Variants in MIGA1 observed in about 807,000 individuals in gnomAD.
The protein encoded by MIGA1 is mitoguardin 1, also known as family with sequence similarity 73, member A.
A neutral mutation model predicts 82.0 loss-of-function variants in MIGA1; 58 were observed. The observed-to-expected ratio is 0.71, with a 90% CI of 0.57 to 0.88. MIGA1 has a LOEUF of 0.88. Among genes scored for constraint, MIGA1 ranks in the 40% least tolerant of loss-of-function variants. The pLI is 0.00. For missense variants in MIGA1, 751 were observed against 749.1 expected, an observed-to-expected ratio of 1.00 and a Z score of -0.03; for synonymous variants, 249 against 253.6, an observed-to-expected ratio of 0.98 and a Z score of 0.17.
At chr1:77,861,346 T>C (rs944915976) in intron 12 of MIGA1, 24 bp downstream of exon 12, 20 of 1,424,300 alleles carry the variant, frequency 1.4e-5, no homozygotes, top group Non-Finnish European at 1.8e-5. Context: ...TTTTGTGATA[T>C]TTATTTTTCT....
Position 77,843,327 on chromosome 1 carries a change from A to T in MIGA1, c.916A>T (p.Met306Leu), listed in dbSNP as rs747478071. ...TTAAGATAAAGATACAGATATCACC[A>T]TGAAGGGTAATGTGGAAGACTTTGG... Residue 306 changes from methionine (M) to leucine (L), a missense_variant, in exon 8 of 16, where the codon ATG becomes TTG. Met to Leu is a conservative substitution (Grantham distance 15). Around this residue, in one of 3 missense-constraint regions of MIGA1, gnomAD observed 482 missense variants for 439.4 expected, o/e 1.10. Coordinates refer to ENST00000370791, the MANE Select transcript of MIGA1 (RefSeq NM_198549.4). The T allele has an allele frequency of 2.5e-6, 4 of 1,613,424 alleles. No individual in the cohort carries two copies. Among genetic ancestry groups the T allele is most frequent in the Non-Finnish European group, 3.4e-6 (4 of 1,179,370 alleles).
At chr1:77,872,373 G>T (rs766578695) in intron 14 of MIGA1, among the ~76,000 whole-genome samples, 10 of 152,156 alleles carry the variant, frequency 6.6e-5, no homozygotes, top group Non-Finnish European at 1.3e-4. Flanking sequence ...GGCAAAGTAG[G>T]GAGGATTGCT....
chr1:77,806,882 A>G, intron 4 of MIGA1, 93 bp from the exon 5 acceptor site: 1 of 927,054 alleles, frequency 1.1e-6, no homozygotes, highest in Non-Finnish European at 1.6e-6. Flanking sequence ...CTTACCACTA[A>G]TAGGATTTAT....
intron 14 of MIGA1, among the ~76,000 whole-genome samples, chr1:77,871,133 A>G (rs1367250786): frequency 2.2e-5 from 3 of 136,460 alleles, no homozygotes; most frequent in South Asian, 2.6e-4. Context: ...GAGGAGGGAG[A>G]GGGAGAGGGC....
At chr1:77,851,884 T>TG (rs1332556063) in intron 8 of MIGA1, among the ~76,000 whole-genome samples, 4 of 148,992 alleles carry the variant, frequency 2.7e-5, no homozygotes, top group Non-Finnish European at 6.0e-5. Context: ...TTCTTTTTTT[T>TG]TTTTTTTTTT....
Position 77,801,400 on chromosome 1 carries a change from C to T in MIGA1, c.265C>T (p.Leu89=), listed in dbSNP as rs1381148313. 8 of 1,605,874 alleles carry T rather than the reference C, an allele frequency of 5.0e-6. No individual in the cohort carries two copies. In the East Asian group the frequency reaches 1.8e-4, roughly 36 times the overall value. Residue 89 remains leucine, a synonymous_variant, in exon 3 of 16, where the codon CTG becomes TTG. Coordinates refer to ENST00000370791, the MANE Select transcript of MIGA1 (RefSeq NM_198549.4). ...AGTGAGTGCTATATCTGTAATTTTT[C>T]TGGCTCATCACTTTAAAAGAAAACG...
chr1:77,822,066 C>CAA (rs547707030), intron 7 of MIGA1, among the ~76,000 whole-genome samples: 1,586 of 152,090 alleles, frequency 0.01, 18 homozygotes, highest in Non-Finnish European at 0.014. Context: ...CACACAATCA[C>CAA]TCTATAGAGG....
intron 5 of MIGA1, among the ~76,000 whole-genome samples, 196 bp downstream of exon 5, chr1:77,807,297 G>A (rs1320678987): frequency 1.3e-5 from 2 of 152,026 alleles, no homozygotes; most frequent in Non-Finnish European, 2.9e-5. Flanking sequence ...GAGTTGCTGG[G>A]ACCACAGGCG....
At chr1:77,818,095 A>G (rs1178755084) in intron 7 of MIGA1, among the ~76,000 whole-genome samples, 1 of 150,336 alleles carries the variant, frequency 6.7e-6, no homozygotes, top group Non-Finnish European at 1.5e-5. Flanking sequence ...AGCTAGGACT[A>G]CAGGTGTGTG....
chr1:77,807,821 CCT>C (rs770503424), intron 5 of MIGA1, among the ~76,000 whole-genome samples: 2 of 151,908 alleles, frequency 1.3e-5, no homozygotes, highest in South Asian at 2.1e-4. Flanking sequence ...CCTATCTCTC[CCT>C]CTCTCTCTTT....
intron 11 of MIGA1, 89 bp downstream of exon 11, chr1:77,860,215 A>C: frequency 1.1e-6 from 1 of 894,924 alleles, no homozygotes. Flanking sequence ...AATTTTTGAT[A>C]GAAGAAAAAT....
chr1:77,851,049 T>C (rs1211101970), intron 8 of MIGA1, among the ~76,000 whole-genome samples: 2 of 152,152 alleles, frequency 1.3e-5, no homozygotes, highest in East Asian at 3.8e-4. Flanking sequence ...TCTGTATTTT[T>C]AGTAGAGATG....
Position 77,824,942 on chromosome 1 carries a change from G to A in MIGA1, c.895+9711G>A, listed in dbSNP as rs549862398. 2.1e-5 allele frequency among the ~76,000 whole-genome samples: 3 copies of A among 145,072 alleles called. No individual in the cohort carries two copies. In the South Asian group the frequency reaches 6.6e-4, roughly 32 times the overall value. On this transcript the variant is annotated intron_variant, in intron 7 of 15. Coordinates refer to ENST00000370791, the MANE Select transcript of MIGA1 (RefSeq NM_198549.4). ...ATTTCTAAGTGCTAGTGCACCAAGA[G>A]TTTAATACAGGCTTAAACAATAGTT...
At chr1:77,865,664 A>G (rs1021509121) in intron 13 of MIGA1, among the ~76,000 whole-genome samples, 3 of 152,216 alleles carry the variant, frequency 2.0e-5, no homozygotes, top group African/African-American at 7.2e-5. Context: ...TGAATTCTAT[A>G]TACACATATT....
intron 6 of MIGA1, among the ~76,000 whole-genome samples, chr1:77,814,149 A>G (rs1038961085): frequency 6.6e-6 from 1 of 152,102 alleles, no homozygotes; most frequent in Non-Finnish European, 1.5e-5. Flanking sequence ...TTGGCCTCCC[A>G]GAGTGCTGGG....
chr1:77,801,774 A>C (rs1219029225), intron 3 of MIGA1, among the ~76,000 whole-genome samples: 3 of 152,196 alleles, frequency 2.0e-5, no homozygotes, highest in African/African-American at 4.8e-5. Context: ...TGTCATATTG[A>C]GACATAAAAT....
chr1:77,861,390 A>G, intron 12 of MIGA1, 68 bp downstream of exon 12: 1 of 1,009,132 alleles, frequency 9.9e-7, no homozygotes, highest in Non-Finnish European at 1.5e-6. Flanking sequence ...ATGAGTTGAG[A>G]CTACTGTTTC....
intron 8 of MIGA1, chr1:77,848,389 G>A (rs560312526): frequency 1.7e-4 from 173 of 1,003,818 alleles, no homozygotes; most frequent in Non-Finnish European, 2.2e-4. Context: ...AAGGAAGAGC[G>A]TATGAAAGTA....
chr1:77,829,763 G>A (rs771637882), intron 7 of MIGA1, among the ~76,000 whole-genome samples: 6 of 151,936 alleles, frequency 3.9e-5, no homozygotes, highest in African/African-American at 7.3e-5. Context: ...GACCCACTGC[G>A]CCCGGCCGTA....
Sources: allele counts gnomAD v4.1 joint callset (sites outside exome capture counted in the v4.1 genomes callset), GRCh38; gene constraint gnomAD v4.1.1; regional missense constraint gnomAD v4.1.1; transcripts MANE v1.5; gene names NCBI Gene and HGNC (gene_info 2026-07-23, HGNC 2026-07-21).